Variants in CLIC4 observed in about 807,000 individuals in gnomAD.
CLIC4 encodes the protein CLIC family member 4.
In CLIC4, 13 loss-of-function variants were observed where a neutral mutation model predicts 24.6. That is an observed-to-expected ratio of 0.53 (90% confidence interval 0.34 to 0.84). The LOEUF (loss-of-function observed/expected upper bound fraction) is 0.84. Among genes scored for constraint, CLIC4 ranks in the 40% least tolerant of loss-of-function variants. The pLI is 0.01. For synonymous variants in CLIC4, 104 were observed against 111.3 expected (o/e 0.93, Z 0.41); for missense variants, 227 against 301.7 (o/e 0.75, Z 1.83).
chr1:24,811,072 C>CT (rs1639609533), intron 2 of CLIC4, among the ~76,000 whole-genome samples: 2 of 74,276 alleles, frequency 2.7e-5, no homozygotes, highest in South Asian at 1.2e-3. Flanking sequence ...GAGTGAGACT[C>CT]TGTCTCAGGA....
At chr1:24,791,349 C>A (rs891247490) in intron 1 of CLIC4, among the ~76,000 whole-genome samples, 1 of 152,162 alleles carries the variant, frequency 6.6e-6, no homozygotes, top group African/African-American at 2.4e-5. Context: ...GTAGTTCATA[C>A]TAAACAGGGT....
At chr1:24,779,219 C>T (rs926882852) in intron 1 of CLIC4, among the ~76,000 whole-genome samples, 5 of 152,176 alleles carry the variant, frequency 3.3e-5, no homozygotes, top group African/African-American at 1.2e-4. Context: ...CCTGTACTCC[C>T]AGCACGTTGG....
chr1:24,763,851 T>C (rs1461436672), intron 1 of CLIC4, among the ~76,000 whole-genome samples: 1 of 152,196 alleles, frequency 6.6e-6, no homozygotes, highest in Non-Finnish European at 1.5e-5. Flanking sequence ...GTTATCTATT[T>C]TGTTGATAGT....
intron 1 of CLIC4, among the ~76,000 whole-genome samples, chr1:24,792,765 T>C (rs1639354704): frequency 1.3e-5 from 2 of 152,158 alleles, no homozygotes; most frequent in African/African-American, 4.8e-5. Flanking sequence ...GAAACAAAAG[T>C]AAATTGAGAA....
intron 1 of CLIC4, among the ~76,000 whole-genome samples, chr1:24,748,223 C>T (rs2124073176): frequency 6.6e-6 from 1 of 152,224 alleles, no homozygotes; most frequent in Middle Eastern, 3.4e-3. Context: ...GTTTTCCAAA[C>T]TTGAGTCACT....
intron 1 of CLIC4, among the ~76,000 whole-genome samples, chr1:24,746,866 C>A (rs956154198): frequency 1.1e-4 from 17 of 152,116 alleles, no homozygotes; most frequent in Non-Finnish European, 2.4e-4. Flanking sequence ...AGCGATGTTA[C>A]GCGCCTGTAC....
intron 4 of CLIC4, among the ~76,000 whole-genome samples, chr1:24,836,959 A>G (rs1186966635): frequency 6.6e-6 from 1 of 152,260 alleles, no homozygotes; most frequent in Admixed American, 6.5e-5. Flanking sequence ...CAGAATGTCT[A>G]CATTTGTGAG....
chr1:24,752,489 C>T (rs1455769283), intron 1 of CLIC4, among the ~76,000 whole-genome samples: 1 of 152,146 alleles, frequency 6.6e-6, no homozygotes, highest in African/African-American at 2.4e-5. Context: ...GTGACAAGTA[C>T]TGTCTGTTGC....
At chr1:24,802,362 G>T (rs1639500504) in intron 2 of CLIC4, among the ~76,000 whole-genome samples, 1 of 152,166 alleles carries the variant, frequency 6.6e-6, no homozygotes, top group Non-Finnish European at 1.5e-5. Flanking sequence ...ATATGTGTAA[G>T]TGTATATGTT....
intron 1 of CLIC4, among the ~76,000 whole-genome samples, chr1:24,749,522 C>T (rs960540079): frequency 4.6e-5 from 7 of 152,180 alleles, no homozygotes; most frequent in Admixed American, 2.0e-4. Flanking sequence ...CATTTCCTTC[C>T]TTGTGAGTAG....
intron 3 of CLIC4, among the ~76,000 whole-genome samples, chr1:24,824,737 G>A (rs181035072): frequency 6.6e-6 from 1 of 151,532 alleles, no homozygotes; most frequent in African/African-American, 2.4e-5. Context: ...AGTGGCTCAG[G>A]CCTGTAATCC....
At chr1:24,780,485 A>G (rs1343832398) in intron 1 of CLIC4, among the ~76,000 whole-genome samples, 1 of 152,200 alleles carries the variant, frequency 6.6e-6, no homozygotes, top group East Asian at 1.9e-4. Flanking sequence ...TTTCTCATGT[A>G]CTCATGGCAA....
At chr1:24,789,950 A>G (rs944856965) in intron 1 of CLIC4, among the ~76,000 whole-genome samples, 1 of 152,224 alleles carries the variant, frequency 6.6e-6, no homozygotes, top group African/African-American at 2.4e-5. Flanking sequence ...CTGACACTCA[A>G]GTAAGACTCC....
intron 1 of CLIC4, among the ~76,000 whole-genome samples, chr1:24,754,441 CCT>C (rs796625196): frequency 2.0e-5 from 3 of 152,188 alleles, no homozygotes; most frequent in African/African-American, 7.2e-5. Context: ...TCTGATGTCC[CCT>C]GAGTAGGGAA....
At chr1:24,766,026 A>G (rs1221284547) in intron 1 of CLIC4, among the ~76,000 whole-genome samples, 2 of 151,608 alleles carry the variant, frequency 1.3e-5, no homozygotes, top group Admixed American at 6.6e-5. Context: ...TTCTTTTGAG[A>G]TGGAGTCTCG....
At chr1:24,822,648 A>T (rs1358652807) in intron 3 of CLIC4, among the ~76,000 whole-genome samples, 3 of 152,120 alleles carry the variant, frequency 2.0e-5, no homozygotes, top group African/African-American at 7.2e-5. Flanking sequence ...TACTTAATTC[A>T]GTGAATGCTT....
intron 3 of CLIC4, 21 bp downstream of exon 3, chr1:24,814,240 G>A (rs760478068): frequency 1.2e-5 from 19 of 1,599,682 alleles, no homozygotes; most frequent in South Asian, 2.3e-5. Flanking sequence ...AGGAAAATAC[G>A]TATGAAAATA....
rs1273133240 is a variant in CLIC4, at chr1:24,842,832, A to C, written c.*1895A>C. ...GTCCCATCTGCACCAGTACACAGGC[A>C]GGCATTATCATTCTTCACCTACTTT... On this transcript the variant is annotated 3_prime_UTR_variant, in exon 6 of 6. Coordinates refer to ENST00000374379, the MANE Select transcript of CLIC4 (RefSeq NM_013943.3). 1 of 152,170 alleles carries C rather than the reference A, an allele frequency of 6.6e-6. No homozygotes were observed. Among genetic ancestry groups the C allele is most frequent in the Non-Finnish European group, 1.5e-5 (1 of 68,012 alleles). The allele number at this position is 152,170 out of a possible 1,614,324, so 9.4% of individuals were successfully genotyped here. A position where few individuals can be genotyped will look rare whatever the true frequency, so the allele number is the denominator to read the frequency against.
chr1:24,766,858 G>A (rs1161054619), intron 1 of CLIC4, among the ~76,000 whole-genome samples: 32 of 151,026 alleles, frequency 2.1e-4, no homozygotes, highest in Non-Finnish European at 3.4e-4. Context: ...AAGACCATTT[G>A]AATTAATATT....
Sources: allele counts gnomAD v4.1 joint callset (sites outside exome capture counted in the v4.1 genomes callset), GRCh38; gene constraint gnomAD v4.1.1; transcripts MANE v1.5; gene names NCBI Gene and HGNC (gene_info 2026-07-23, HGNC 2026-07-21).